The following CNTN4 variants were observed in gnomAD, a reference collection of about 807,000 sequenced individuals.
CNTN4 encodes the protein contactin 4, also known as contactin-4.
A neutral mutation model predicts 122.5 loss-of-function variants in CNTN4; 77 were observed. That is an observed-to-expected ratio of 0.63 (90% CI 0.52 to 0.76). The LOEUF is 0.76. CNTN4 is among the 30% of genes least tolerant of loss of function. CNTN4 has a pLI of 0.00. For synonymous variants in CNTN4, 512 were observed against 447.0 expected (o/e 1.15, Z -1.83); for missense variants, 1,256 against 1,259.1 (o/e 1.00, Z 0.04).
chr3:2,331,741 G>A (rs1261867347), intron 2 of CNTN4, among the ~76,000 whole-genome samples: 6 of 152,154 alleles, frequency 3.9e-5, no homozygotes, highest in African/African-American at 1.4e-4. Context: ...TTGGAACTCA[G>A]GCCACACAGG....
At chr3:2,617,905 TA>T (rs2081835365) in intron 4 of CNTN4, among the ~76,000 whole-genome samples, 1 of 152,176 alleles carries the variant, frequency 6.6e-6, no homozygotes, top group Non-Finnish European at 1.5e-5. Context: ...AGTATGCATA[TA>T]AAAAATATTT....
chr3:2,776,851 A>C (rs1364887403), intron 6 of CNTN4, among the ~76,000 whole-genome samples: 1 of 152,198 alleles, frequency 6.6e-6, no homozygotes, highest in Admixed American at 6.5e-5. Context: ...TACCCCCTTC[A>C]TTCAAACATC....
chr3:2,139,175 A>C (rs1293139805), intron 2 of CNTN4, among the ~76,000 whole-genome samples: 2 of 152,146 alleles, frequency 1.3e-5, no homozygotes, highest in African/African-American at 4.8e-5. Context: ...TAGTCCCCTT[A>C]GTATATTTGT....
intron 2 of CNTN4, among the ~76,000 whole-genome samples, chr3:2,266,355 T>G (rs2041048772): frequency 6.6e-6 from 1 of 152,130 alleles, no homozygotes; most frequent in Non-Finnish European, 1.5e-5. Context: ...ATGTTTTGGA[T>G]TTCTCCTTAA....
At chr3:2,917,646 G>T (rs2151294658) in intron 12 of CNTN4, among the ~76,000 whole-genome samples, 1 of 152,058 alleles carries the variant, frequency 6.6e-6, no homozygotes, top group East Asian at 1.9e-4. Context: ...ACAAGCTTCT[G>T]GTGATTTTTA....
chr3:2,577,028 C>T (rs977603004), intron 4 of CNTN4, among the ~76,000 whole-genome samples: 20 of 152,192 alleles, frequency 1.3e-4, no homozygotes, highest in African/African-American at 4.6e-4. Flanking sequence ...GCCTCTGTCT[C>T]CTGTCCTTTG....
intron 2 of CNTN4, among the ~76,000 whole-genome samples, chr3:2,139,555 A>C (rs570487930): frequency 1.3e-5 from 2 of 152,224 alleles, no homozygotes; most frequent in Non-Finnish European, 2.9e-5. Flanking sequence ...AATGCAATCA[A>C]ATATTGAAAC....
chr3:2,665,953 G>T (rs1559363397), intron 4 of CNTN4, among the ~76,000 whole-genome samples: 1 of 152,068 alleles, frequency 6.6e-6, no homozygotes, highest in Non-Finnish European at 1.5e-5. Context: ...TTTATCTCTT[G>T]GTAAAGGATA....
Position 2,583,201 on chromosome 3 carries a change from TC to T in CNTN4, c.55+11644del, listed in dbSNP as rs1437740108. 2.0e-5 allele frequency among the ~76,000 whole-genome samples: 3 copies of T among 152,372 alleles called. No individual in the cohort carries two copies. In the East Asian group the frequency reaches 5.8e-4, roughly 29 times the overall value. On this transcript the variant is annotated intron_variant, in intron 4 of 24. Transcript: ENST00000418658. ...AGAAGAAAGCTTTGCTCTACTCTTT[TC>T]TAAGGAGCTTTGAAGATCTGGCCAT...
intron 2 of CNTN4, among the ~76,000 whole-genome samples, chr3:2,173,530 G>C (rs1396821617): frequency 6.6e-6 from 1 of 152,058 alleles, no homozygotes; most frequent in African/African-American, 2.4e-5. Context: ...GCTTTTTGTG[G>C]GGATATCAAA....
intron 3 of CNTN4, among the ~76,000 whole-genome samples, chr3:2,440,610 T>G (rs1401994214): frequency 6.6e-6 from 1 of 151,982 alleles, no homozygotes; most frequent in Non-Finnish European, 1.5e-5. Context: ...TGATGGGGTA[T>G]CTATACGTTG....
chr3:2,937,356 A>G (rs536056457), intron 13 of CNTN4, among the ~76,000 whole-genome samples: 25 of 152,252 alleles, frequency 1.6e-4, no homozygotes, highest in African/African-American at 5.3e-4. Context: ...TCAGAGCCCA[A>G]GGGAGCTTTA....
At position 3,030,854 on chromosome 3, in the gene CNTN4, G is replaced by A; in HGVS notation, c.1663-1G>A. The A allele has an allele frequency of 6.2e-7, 1 of 1,613,978 alleles. No homozygotes were observed. ...GCAGCCACTTTCCCCTACTTTATCA[G>A]CAGGATTCAGCTGGTGATTTGATGA... On this transcript the variant is annotated splice_acceptor_variant, in intron 15 of 24. Transcript: ENST00000418658. LOFTEE classifies it high-confidence loss of function.
Position 2,766,317 on chromosome 3 carries a change from C to T in CNTN4, c.358+20620C>T, listed in dbSNP as rs147849737. On this transcript the variant is annotated intron_variant, in intron 6 of 24. Coordinates refer to ENST00000418658, the MANE Select transcript of CNTN4 (RefSeq NM_175607.3). ...AGTGCTTCACACACAGTGTTAGATACATTTTTTAGATAATCAGGCTAGTCC... is the reference window on the plus strand; with the variant it reads ...AGTGCTTCACACACAGTGTTAGATATATTTTTTAGATAATCAGGCTAGTCC... 1.8e-3 allele frequency among the ~76,000 whole-genome samples: 271 copies of T among 152,276 alleles called. 1 individual carries two copies. Among genetic ancestry groups the T allele is most frequent in the African/African-American group, 6.3e-3 (261 of 41,562 alleles).
At chr3:2,231,323 G>A (rs2039480291) in intron 2 of CNTN4, among the ~76,000 whole-genome samples, 1 of 152,154 alleles carries the variant, frequency 6.6e-6, no homozygotes, top group East Asian at 1.9e-4. Context: ...GCTTAGGCAT[G>A]GAGATGCTCA....
At chr3:2,387,724 T>C (rs528570685) in intron 3 of CNTN4, among the ~76,000 whole-genome samples, 1 of 152,232 alleles carries the variant, frequency 6.6e-6, no homozygotes, top group Non-Finnish European at 1.5e-5. Flanking sequence ...TCTTGTTTTA[T>C]TTTGCTGTTT....
intron 4 of CNTN4, among the ~76,000 whole-genome samples, chr3:2,597,620 A>C (rs2080831769): frequency 6.6e-6 from 1 of 152,160 alleles, no homozygotes; most frequent in Non-Finnish European, 1.5e-5. Flanking sequence ...CATGCATAAA[A>C]GACAGCACCT....
chr3:2,297,712 T>C (rs2042365083), intron 2 of CNTN4, among the ~76,000 whole-genome samples: 1 of 152,048 alleles, frequency 6.6e-6, no homozygotes, highest in South Asian at 2.1e-4. Flanking sequence ...GTGTGTTTTG[T>C]TTGTTTGTTT....
At chr3:2,383,413 T>C (rs996284322) in intron 3 of CNTN4, among the ~76,000 whole-genome samples, 34 of 152,168 alleles carry the variant, frequency 2.2e-4, no homozygotes, top group African/African-American at 8.0e-4. Flanking sequence ...TGCACAGTTT[T>C]AACTGCCTTA....
Sources: allele counts gnomAD v4.1 joint callset (sites outside exome capture counted in the v4.1 genomes callset), GRCh38; gene constraint gnomAD v4.1.1; transcripts MANE v1.5; gene names NCBI Gene and HGNC (gene_info 2026-07-23, HGNC 2026-07-21).